Variants in BBS9 observed in about 807,000 individuals in gnomAD.
BBS9 encodes protein PTHB1.
A neutral mutation model predicts 117.7 loss-of-function variants in BBS9; 89 were observed. The ratio of observed to expected loss-of-function variants is 0.76; its 90% confidence interval spans 0.64 to 0.90. BBS9 has a LOEUF of 0.90. BBS9 is among the 40% of genes least tolerant of loss of function. The pLI is 0.00. For missense variants in BBS9, 982 were observed against 1,042.2 expected (o/e 0.94, Z 0.80); for synonymous variants, 379 against 370.9 (o/e 1.02, Z -0.25).
intron 18 of BBS9, among the ~76,000 whole-genome samples, chr7:33,385,394 T>C (rs1412706901): frequency 6.6e-6 from 1 of 152,202 alleles, no homozygotes; most frequent in Non-Finnish European, 1.5e-5. Context: ...TGAATACAGT[T>C]GGGTTTTGGA....
At chr7:33,492,249 T>C (rs2128996519) in intron 19 of BBS9, among the ~76,000 whole-genome samples, 1 of 151,058 alleles carries the variant, frequency 6.6e-6, no homozygotes, top group East Asian at 1.9e-4. Flanking sequence ...GGTTGAGTGT[T>C]TAGCCAGGGA....
At chr7:33,583,534 AT>A (rs1308199241) in intron 21 of BBS9, among the ~76,000 whole-genome samples, 1 of 152,066 alleles carries the variant, frequency 6.6e-6, no homozygotes, top group Non-Finnish European at 1.5e-5. Context: ...ATTGTACTTA[AT>A]TATGGGAGAT....
chr7:33,437,591 A>G (rs1453147155), intron 19 of BBS9, among the ~76,000 whole-genome samples: 1 of 152,122 alleles, frequency 6.6e-6, no homozygotes, highest in Non-Finnish European at 1.5e-5. Context: ...CTTTAAGAAC[A>G]GTTTTTGGGC....
intron 5 of BBS9, among the ~76,000 whole-genome samples, chr7:33,196,663 G>T (rs944396077): frequency 6.6e-6 from 1 of 152,104 alleles, no homozygotes; most frequent in Non-Finnish European, 1.5e-5. Flanking sequence ...TCCTTGCCTA[G>T]GCATTAAAGT....
intron 5 of BBS9, among the ~76,000 whole-genome samples, chr7:33,193,039 C>T (rs1784378888): frequency 6.6e-6 from 1 of 152,176 alleles, no homozygotes; most frequent in African/African-American, 2.4e-5. Context: ...TTAGATCTAT[C>T]CCTTTTACAT....
chr7:33,522,489 G>A (rs1848779447), intron 20 of BBS9, among the ~76,000 whole-genome samples: 1 of 151,908 alleles, frequency 6.6e-6, no homozygotes, highest in East Asian at 1.9e-4. Context: ...GCATTTCTCT[G>A]ATGGCCAGTG....
At chr7:33,154,613 G>A (rs1454445423) in intron 3 of BBS9, among the ~76,000 whole-genome samples, 2 of 151,910 alleles carry the variant, frequency 1.3e-5, no homozygotes, top group African/African-American at 4.8e-5. Context: ...CTACAGGCAC[G>A]TGCCACCATG....
At chr7:33,451,145 C>T (rs1837791006) in intron 19 of BBS9, among the ~76,000 whole-genome samples, 1 of 152,234 alleles carries the variant, frequency 6.6e-6, no homozygotes, top group African/African-American at 2.4e-5. Flanking sequence ...GCCTCGGCCT[C>T]CCAAAGTGCT....
intron 20 of BBS9, among the ~76,000 whole-genome samples, chr7:33,524,259 C>T (rs1849112800): frequency 6.6e-6 from 1 of 151,686 alleles, no homozygotes; most frequent in African/African-American, 2.4e-5. Context: ...TGATGCTGGC[C>T]TCATAAAATG....
chr7:33,204,063 T>C (rs1424392917), intron 5 of BBS9, among the ~76,000 whole-genome samples: 1 of 150,274 alleles, frequency 6.7e-6, no homozygotes, highest in Non-Finnish European at 1.5e-5. Flanking sequence ...TGTACGTTTG[T>C]GTCAGTCAGC....
Position 33,336,548 on chromosome 7 carries a change from A to G in BBS9, c.1124A>G (p.Glu375Gly). 1 of 1,613,476 alleles carries G rather than the reference A, an allele frequency of 6.2e-7. No individual in the cohort carries two copies. ...CAAGCTCCAAACGTTCAATCTCGAG[A>G]ACTAAACTATGATGAACTTGATGTA... ...LFQAPNVQSRELNYDELDVEM... is the reference protein window; with the variant it reads ...LFQAPNVQSRGLNYDELDVEM... The change falls in exon 10 of 23, where the codon GAA becomes GGA. Residue 375 changes from glutamate (E) to glycine (G), a missense_variant. Coordinates refer to ENST00000242067, the MANE Select transcript of BBS9 (RefSeq NM_198428.3).
chr7:33,371,272 T>A (rs1822815235), intron 17 of BBS9, among the ~76,000 whole-genome samples: 1 of 152,266 alleles, frequency 6.6e-6, no homozygotes, highest in East Asian at 1.9e-4. Flanking sequence ...TAGAAAATAA[T>A]GATAAAACTC....
intron 21 of BBS9, among the ~76,000 whole-genome samples, chr7:33,550,463 A>T (rs1854219719): frequency 6.6e-6 from 1 of 152,168 alleles, no homozygotes. Flanking sequence ...AATGGGGCAG[A>T]CACAACAATT....
At chr7:33,531,808 A>G (rs534374161) in intron 20 of BBS9, among the ~76,000 whole-genome samples, 4 of 152,300 alleles carry the variant, frequency 2.6e-5, no homozygotes, top group Admixed American at 2.6e-4. Flanking sequence ...ACTGCCTCAA[A>G]AAGTAGTGAT....
At chr7:33,605,148 A>G in intron 22 of BBS9, 47 bp from the exon 23 acceptor site, 2 of 1,566,692 alleles carry the variant, frequency 1.3e-6, no homozygotes, top group South Asian at 1.1e-5. Context: ...TCCTGTCACT[A>G]TTCAGATCTT....
intron 21 of BBS9, among the ~76,000 whole-genome samples, chr7:33,554,253 C>G (rs565741874): frequency 6.6e-6 from 1 of 152,080 alleles, no homozygotes; most frequent in South Asian, 2.1e-4. Flanking sequence ...TTAAGTATTA[C>G]AGACATTACA....
chr7:33,199,491 T>C (rs890914348), intron 5 of BBS9, among the ~76,000 whole-genome samples: 4 of 151,898 alleles, frequency 2.6e-5, no homozygotes, highest in Non-Finnish European at 5.9e-5. Flanking sequence ...TAGGGCTTAT[T>C]ATGGAATAGT....
intron 20 of BBS9, among the ~76,000 whole-genome samples, chr7:33,513,473 G>A (rs1847274446): frequency 6.6e-6 from 1 of 152,112 alleles, no homozygotes; most frequent in Admixed American, 6.6e-5. Context: ...TACAAGTATT[G>A]CTTGATACTC....
Position 33,394,206 on chromosome 7 carries a change from G to A in BBS9, c.2115+6062G>A, listed in dbSNP as rs187631714. ...CCACCACAGTTTCAGTAATTATGTT[G>A]TATTTATGCAGCCATAAAAAAGAAC... On this transcript the variant is annotated intron_variant, in intron 19 of 22. Coordinates refer to ENST00000242067, the MANE Select transcript of BBS9 (RefSeq NM_198428.3). Among the ~76,000 whole-genome samples the A allele has an allele frequency of 2.5e-3, 380 of 152,206 alleles. 1 individual carries two copies. Among genetic ancestry groups the A allele is most frequent in the African/African-American group, 8.9e-3 (368 of 41,518 alleles).
Sources: gnomAD v4.1 joint callset for allele counts (sites outside exome capture counted in the v4.1 genomes callset) on GRCh38, gnomAD v4.1.1 for gene constraint, MANE v1.5 for transcripts, NCBI Gene and HGNC (gene_info 2026-07-23, HGNC 2026-07-21) for gene names.